Variants in POR observed in about 807,000 individuals in gnomAD.
The protein encoded by POR is NADPH--cytochrome P450 reductase.
A neutral mutation model predicts 84.0 loss-of-function variants in POR; 56 were observed. The observed-to-expected ratio is 0.67, with a 90% CI of 0.54 to 0.83. POR has a LOEUF of 0.83. Ranked by LOEUF, POR falls within the 40% of genes least tolerant of loss-of-function variation. POR has a pLI of 0.00. For missense variants in POR, 938 were observed against 944.3 expected, an observed-to-expected ratio of 0.99 and a Z score of 0.09; for synonymous variants, 414 against 400.5, an observed-to-expected ratio of 1.03 and a Z score of -0.40.
intron 6 of POR, 125 bp from the exon 7 acceptor site, chr7:75,981,392 G>A: frequency 8.4e-7 from 1 of 1,186,736 alleles, no homozygotes; most frequent in Admixed American, 2.5e-5. Flanking sequence ...TTATGTCGCT[G>A]GGTGCCCCAG....
intron 1 of POR, chr7:75,947,284 A>G (rs1787214459): frequency 6.6e-6 from 1 of 151,980 alleles, no homozygotes; most frequent in Admixed American, 6.6e-5. Flanking sequence ...TTGTTAATTG[A>G]TTGATTGATT....
intron 12 of POR, 113 bp from the exon 13 acceptor site, chr7:75,985,466 G>C: frequency 2.3e-6 from 3 of 1,327,244 alleles, no homozygotes; most frequent in Admixed American, 2.9e-5. Flanking sequence ...TGGGTGCCAG[G>C]TGGGCTGGAA....
rs1554553387 is a variant in POR at position 75,954,141 on chromosome 7, A to G, written c.149A>G (p.Lys50Arg). Residue 50 changes from lysine (K) to arginine (R), a missense_variant, in exon 2 of 16, where the codon AAA (lysine) becomes AGA (arginine). Transcript: ENST00000461988. ...ACCTACTGGTTCCTCTTCAGAAAGA[A>G]AAAAGAAGAAGTCCCCGAGTTCACC... The G allele has an allele frequency of 5.0e-6, 8 of 1,612,908 alleles. No homozygotes were observed. In the Admixed American group the frequency reaches 1.2e-4, roughly 24 times the overall value.
intron 2 of POR, among the ~76,000 whole-genome samples, chr7:75,957,219 G>C (rs935574453): frequency 2.0e-5 from 3 of 152,250 alleles, no homozygotes; most frequent in South Asian, 2.1e-4. Context: ...GAATTGGTGT[G>C]GGGATCAGAC....
Position 75,984,863 on chromosome 7 carries a change from C to T in POR, c.1153C>T (p.Arg385Cys). The T allele has an allele frequency of 4.3e-6, 7 of 1,612,616 alleles. No homozygotes were observed. The highest frequency in any genetic ancestry group is 5.9e-6 in the Non-Finnish European group (7 of 1,179,794). Reference sequence around the variant, plus strand: ...CTACCTGGACATCACCAACCCGCCGCGTACCAACGTGCTGTACGAGCTGGC... The same window carrying T: ...CTACCTGGACATCACCAACCCGCCGTGTACCAACGTGCTGTACGAGCTGGC... The change falls in exon 11 of 16, where the codon CGT (arginine) becomes TGT (cysteine). Residue 385 changes from arginine to cysteine, a missense_variant. Physicochemically the swap from Arg to Cys is radical, Grantham distance 180 (BLOSUM62 -3). Transcript: ENST00000461988.
chr7:75,941,369 C>G (rs1236736108), intron 1 of POR, among the ~76,000 whole-genome samples: 1 of 152,174 alleles, frequency 6.6e-6, no homozygotes, highest in African/African-American at 2.4e-5. Context: ...ATTTCTCTAG[C>G]TGTGTAGAAT....
At chr7:75,917,686 C>T (rs1349153821) in intron 1 of POR, among the ~76,000 whole-genome samples, 1 of 152,044 alleles carries the variant, frequency 6.6e-6, no homozygotes, top group African/African-American at 2.4e-5. Context: ...CTCTGTCGCC[C>T]AGGCTGGAGC....
chr7:75,969,110 G>A (rs1193273282), intron 2 of POR, among the ~76,000 whole-genome samples: 1 of 152,208 alleles, frequency 6.6e-6, no homozygotes, highest in African/African-American at 2.4e-5. Context: ...ATCCGTCCCT[G>A]TGGCGTGAAC....
At position 75,986,373 on chromosome 7, in the gene POR, C is replaced by T. The variant is rs557596726; in HGVS notation, c.1935C>T (p.Thr645=). The stretch of plus-strand genomic sequence containing the variant: ...ACATGGCCAGGGATGTGCAGAACAC[C>T]TTCTACGACATCGTGGCTGAGCTCG... The change falls in exon 16 of 16, where the codon ACC becomes ACT. Residue 645 remains threonine (T), a synonymous_variant. Transcript: ENST00000461988. The T allele has an allele frequency of 4.0e-5, 65 of 1,612,610 alleles. No homozygotes were observed. The East Asian group carries it at 1.0e-3, about 25-fold the overall frequency.
intron 1 of POR, among the ~76,000 whole-genome samples, chr7:75,918,441 G>A (rs1219418558): frequency 2.6e-5 from 4 of 152,268 alleles, no homozygotes; most frequent in South Asian, 2.1e-4. Context: ...TGCATAGGCC[G>A]CTGACCTATA....
rs781980999 is a variant in POR at position 75,983,646 on chromosome 7, G to A, written c.947+10G>A. Reference sequence around the variant, plus strand: ...CGGACTCCAAAATCAGGTACCAGCTGCCACTGTCACCCCCTGAACCCTCAC... The same window carrying A: ...CGGACTCCAAAATCAGGTACCAGCTACCACTGTCACCCCCTGAACCCTCAC... On this transcript the variant is annotated intron_variant, in intron 9 of 15. Coordinates refer to ENST00000461988, the MANE Select transcript of POR (RefSeq NM_000941.3). 173 of 1,611,360 alleles carry A rather than the reference G, an allele frequency of 1.1e-4. No homozygotes were observed. Among genetic ancestry groups the A allele is most frequent in the Non-Finnish European group, 1.4e-4 (169 of 1,178,456 alleles).
intron 2 of POR, among the ~76,000 whole-genome samples, chr7:75,959,044 T>G (rs556822968): frequency 1.1e-4 from 16 of 152,286 alleles, no homozygotes; most frequent in Non-Finnish European, 1.8e-4. Flanking sequence ...ATTTCAGATT[T>G]TAGATTAGGG....
At chr7:75,944,962 A>G (rs868947401) in intron 1 of POR, among the ~76,000 whole-genome samples, 10 of 152,174 alleles carry the variant, frequency 6.6e-5, no homozygotes, top group Non-Finnish European at 1.0e-4. Flanking sequence ...CAGGAGAAGA[A>G]GAGAAAGAGA....
intron 8 of POR, chr7:75,983,239 G>C: frequency 2.9e-6 from 1 of 350,086 alleles, no homozygotes; most frequent in Non-Finnish European, 5.2e-6. Context: ...TGCTCAGGAG[G>C]CTGAGGCAGG....
chr7:75,943,266 T>C (rs2116349437), intron 1 of POR, among the ~76,000 whole-genome samples: 1 of 152,258 alleles, frequency 6.6e-6, no homozygotes, highest in East Asian at 1.9e-4. Flanking sequence ...TTTTTTTATT[T>C]TTTATTTTTA....
At chr7:75,943,711 T>C (rs1787050903) in intron 1 of POR, 1 of 317,680 alleles carries the variant, frequency 3.1e-6, no homozygotes, top group Non-Finnish European at 6.4e-6. Context: ...TCAAACTTGG[T>C]ATTGACTCCC....
At chr7:75,968,548 A>AACTTTGCTTCTT (rs1266383312) in intron 2 of POR, among the ~76,000 whole-genome samples, 2 of 152,250 alleles carry the variant, frequency 1.3e-5, no homozygotes, top group Admixed American at 6.5e-5. Flanking sequence ...TAAGCCCGTG[A>AACTTTGCTTCTT]ACTTTGCTTC....
Position 75,932,747 on chromosome 7 carries a change from C to T in POR, c.-5+17568C>T, listed in dbSNP as rs947358253. On this transcript the variant is annotated intron_variant, in intron 1 of 15. Transcript: ENST00000461988. ...ATCATGTTAAAAACATGGGCGGGCA[C>T]GGTGGCTCACACCTGTAATCCCAGC... Among the ~76,000 whole-genome samples the T allele has an allele frequency of 2.6e-5, 4 of 151,772 alleles. No individual in the cohort carries two copies. The East Asian group carries it at 5.8e-4, about 22-fold the overall frequency.
chr7:75,917,530 C>A (rs987137322), intron 1 of POR, among the ~76,000 whole-genome samples: 8 of 152,080 alleles, frequency 5.3e-5, no homozygotes, highest in Non-Finnish European at 1.0e-4. Context: ...CTGGCACTAG[C>A]ACCGTGTGTG....
Sources: allele counts gnomAD v4.1 joint callset (sites outside exome capture counted in the v4.1 genomes callset), GRCh38; gene constraint gnomAD v4.1.1; transcripts MANE v1.5; gene names NCBI Gene and HGNC (gene_info 2026-07-23, HGNC 2026-07-21).